Variants in LRRC4C observed in about 807,000 individuals in gnomAD.
The protein encoded by LRRC4C is leucine-rich repeat-containing protein 4C.
In LRRC4C, 5 loss-of-function variants were observed where a neutral mutation model predicts 33.6. The ratio of observed to expected loss-of-function variants is 0.15; its 90% CI spans 0.08 to 0.31. The LOEUF (loss-of-function observed/expected upper bound fraction) is 0.31, where lower values mean the gene tolerates loss of function less well. LRRC4C is among the 10% of genes least tolerant of loss of function. The pLI is 1.00. For missense variants in LRRC4C, 560 were observed against 796.7 expected (o/e 0.70, Z 3.58); for synonymous variants, 329 against 302.0 (o/e 1.09, Z -0.93).
chr11:41,193,221 G>A (rs2136221365), intron 1 of LRRC4C, among the ~76,000 whole-genome samples: 1 of 152,164 alleles, frequency 6.6e-6, no homozygotes, highest in Non-Finnish European at 1.5e-5. Context: ...ACCTGAAGTT[G>A]GAAAGTACCT....
At chr11:40,905,613 A>G (rs1374205907) in intron 2 of LRRC4C, among the ~76,000 whole-genome samples, 3 of 152,182 alleles carry the variant, frequency 2.0e-5, no homozygotes, top group African/African-American at 7.2e-5. Flanking sequence ...ATGCCTTGAA[A>G]GCAAGGCAAG....
At chr11:41,402,165 C>A (rs529846870) in intron 1 of LRRC4C, among the ~76,000 whole-genome samples, 156 of 152,080 alleles carry the variant, frequency 1.0e-3, no homozygotes, top group African/African-American at 3.6e-3. Context: ...GGGGACAGAA[C>A]AAACACTCAA....
intron 3 of LRRC4C, among the ~76,000 whole-genome samples, chr11:40,458,547 T>C (rs1275847342): frequency 6.6e-6 from 1 of 152,188 alleles, no homozygotes; most frequent in Admixed American, 6.6e-5. Flanking sequence ...GTGAAGTTTC[T>C]CTGTTCTTTC....
chr11:40,274,798 A>T (rs1942979203), intron 4 of LRRC4C, among the ~76,000 whole-genome samples: 1 of 152,154 alleles, frequency 6.6e-6, no homozygotes, highest in South Asian at 2.1e-4. Context: ...CAACCAGAGC[A>T]CACAGCAGCA....
At chr11:41,300,542 C>T (rs1447123) in intron 1 of LRRC4C, among the ~76,000 whole-genome samples, 19,388 of 152,174 alleles carry the variant, frequency 0.13, 1,372 homozygotes, top group Middle Eastern at 0.23. Flanking sequence ...GTGGGAATGT[C>T]GTGTCAATCT....
intron 1 of LRRC4C, among the ~76,000 whole-genome samples, chr11:41,192,507 A>T (rs1000674116): frequency 6.6e-6 from 1 of 152,016 alleles, no homozygotes; most frequent in African/African-American, 2.4e-5. Context: ...ATGAATCAGT[A>T]CCCCTTATTC....
chr11:40,435,378 G>C (rs1032052647), intron 3 of LRRC4C, among the ~76,000 whole-genome samples: 4 of 152,162 alleles, frequency 2.6e-5, no homozygotes, highest in African/African-American at 9.6e-5. Context: ...CAAATAGACA[G>C]GTAAAACTTT....
intron 1 of LRRC4C, among the ~76,000 whole-genome samples, chr11:40,946,264 AT>A (rs1958393740): frequency 6.6e-6 from 1 of 152,124 alleles, no homozygotes; most frequent in African/African-American, 2.4e-5. Flanking sequence ...AAAGGACATA[AT>A]TTCATTCTTT....
chr11:40,487,721 C>T (rs374592765), intron 3 of LRRC4C, among the ~76,000 whole-genome samples: 1 of 152,054 alleles, frequency 6.6e-6, no homozygotes, highest in Admixed American at 6.6e-5. Flanking sequence ...GGTCAACTTA[C>T]GTAAAACCCT....
At chr11:41,249,389 T>C (rs554525386) in intron 1 of LRRC4C, among the ~76,000 whole-genome samples, 1 of 152,288 alleles carries the variant, frequency 6.6e-6, no homozygotes, top group South Asian at 2.1e-4. Flanking sequence ...CCATTCTCCT[T>C]ACTTTTACCT....
At chr11:41,255,201 A>G (rs1279445379) in intron 1 of LRRC4C, among the ~76,000 whole-genome samples, 1 of 152,056 alleles carries the variant, frequency 6.6e-6, no homozygotes, top group African/African-American at 2.4e-5. Context: ...AGCACAATAC[A>G]GATGGATCTT....
chr11:41,042,686 T>G (rs1857511380), intron 1 of LRRC4C, among the ~76,000 whole-genome samples: 4 of 152,208 alleles, frequency 2.6e-5, no homozygotes, highest in Admixed American at 2.0e-4. Flanking sequence ...AGTTTGCTAA[T>G]GGGCAATACA....
intron 1 of LRRC4C, among the ~76,000 whole-genome samples, chr11:41,167,219 T>C (rs564544856): frequency 2.4e-4 from 36 of 152,294 alleles, no homozygotes; most frequent in Admixed American, 9.8e-4. Context: ...TAGCACAGTG[T>C]AGAAGGTTGC....
At chr11:40,352,358 C>A (rs1029506353) in intron 3 of LRRC4C, among the ~76,000 whole-genome samples, 1 of 151,930 alleles carries the variant, frequency 6.6e-6, no homozygotes. Context: ...CAATAACAAA[C>A]AAACAAGCAA....
intron 2 of LRRC4C, among the ~76,000 whole-genome samples, chr11:40,901,413 A>C (rs527987018): frequency 6.6e-6 from 1 of 152,230 alleles, no homozygotes; most frequent in African/African-American, 2.4e-5. Context: ...ATGCCTCTTT[A>C]GGAAGCATGA....
At chr11:40,521,033 G>A (rs1955789210) in intron 3 of LRRC4C, among the ~76,000 whole-genome samples, 1 of 152,028 alleles carries the variant, frequency 6.6e-6, no homozygotes, top group Non-Finnish European at 1.5e-5. Context: ...AAATGCATAT[G>A]CAGGAATGAG....
At chr11:40,304,061 A>T (rs993699367) in intron 4 of LRRC4C, among the ~76,000 whole-genome samples, 12 of 152,196 alleles carry the variant, frequency 7.9e-5, no homozygotes, top group African/African-American at 2.9e-4. Flanking sequence ...AAAATACAAC[A>T]TTGAAAAAAT....
intron 2 of LRRC4C, among the ~76,000 whole-genome samples, chr11:40,769,962 C>T (rs988472630): frequency 6.6e-6 from 1 of 151,992 alleles, no homozygotes; most frequent in African/African-American, 2.4e-5. Context: ...CTTATATCCC[C>T]AACCAGAGAA....
intron 2 of LRRC4C, among the ~76,000 whole-genome samples, chr11:40,650,481 G>A (rs1376591614): frequency 3.3e-5 from 5 of 152,066 alleles, no homozygotes; most frequent in Non-Finnish European, 7.4e-5. Flanking sequence ...TTCTGCTCAA[G>A]CTACCTTTCA....
Sources: allele counts gnomAD v4.1 joint callset (sites outside exome capture counted in the v4.1 genomes callset), GRCh38; gene constraint gnomAD v4.1.1; transcripts MANE v1.5; gene names NCBI Gene and HGNC (gene_info 2026-07-23, HGNC 2026-07-21).